Variants in AGBL4 observed in about 807,000 individuals in gnomAD.
AGBL4 encodes the protein AGBL carboxypeptidase 4, also known as cytosolic carboxypeptidase 6.
A neutral mutation model predicts 66.4 loss-of-function variants in AGBL4; 58 were observed. The ratio of observed to expected loss-of-function variants is 0.87; its 90% confidence interval spans 0.71 to 1.09. The LOEUF (loss-of-function observed/expected upper bound fraction) is 1.09. Ranked by LOEUF, AGBL4 falls within the 50% of genes least tolerant of loss-of-function variation. The pLI is 0.00. For synonymous variants in AGBL4, 234 were observed against 222.9 expected (o/e 1.05, Z -0.44); for missense variants, 579 against 631.0 (o/e 0.92, Z 0.88).
chr1:49,206,977 T>C (rs1258495738), intron 4 of AGBL4, among the ~76,000 whole-genome samples: 1 of 151,856 alleles, frequency 6.6e-6, no homozygotes, highest in African/African-American at 2.4e-5. Flanking sequence ...ATTTGATGGA[T>C]TGTTTTTTCC....
At position 49,419,236 on chromosome 1, in the gene AGBL4, G is replaced by A. The variant is rs550931771; in HGVS notation, c.283-173372C>T. Among the ~76,000 whole-genome samples, 4 of 152,252 alleles carry A rather than the reference G, an allele frequency of 2.6e-5. No individual in the cohort carries two copies. In the South Asian group the frequency reaches 8.3e-4, roughly 32 times the overall value. On this transcript the variant is annotated intron_variant, in intron 3 of 13. Coordinates refer to ENST00000371839, the MANE Select transcript of AGBL4 (RefSeq NM_032785.4). ...TTACTGGTGGCATATCACACAACAAGTATTATATGCAGTGCTCTAGTTGGC... is the reference window on the plus strand; with the variant it reads ...TTACTGGTGGCATATCACACAACAAATATTATATGCAGTGCTCTAGTTGGC...
intron 4 of AGBL4, among the ~76,000 whole-genome samples, chr1:49,153,456 A>G (rs1353320120): frequency 6.6e-6 from 1 of 152,180 alleles, no homozygotes; most frequent in Admixed American, 6.5e-5. Flanking sequence ...CCAAGGTCAA[A>G]GCAAATAAAA....
chr1:49,731,564 T>C (rs1294233236), intron 2 of AGBL4, among the ~76,000 whole-genome samples: 1 of 151,920 alleles, frequency 6.6e-6, no homozygotes, highest in Non-Finnish European at 1.5e-5. Flanking sequence ...AAATAAAGAG[T>C]CATGAAACAT....
At chr1:49,378,029 C>T (rs1322038011) in intron 3 of AGBL4, among the ~76,000 whole-genome samples, 2 of 145,576 alleles carry the variant, frequency 1.4e-5, no homozygotes, top group African/African-American at 5.6e-5. Flanking sequence ...GCCTTGTCTC[C>T]CAACACAAAC....
At chr1:48,988,845 T>G (rs937508492) in intron 5 of AGBL4, among the ~76,000 whole-genome samples, 1 of 152,150 alleles carries the variant, frequency 6.6e-6, no homozygotes, top group Non-Finnish European at 1.5e-5. Flanking sequence ...TTCAATGACC[T>G]GAGAGGTCAG....
rs1662573450 is a variant in AGBL4 at position 49,013,133 on chromosome 1, C to T, written c.594+32451G>A. ...AATGAATTTATTCCTTATAAATTAC[C>T]CAGTCTCAGGTATTCAATTACAGCA... is the stretch of plus-strand genomic sequence containing the variant. On this transcript the variant is annotated intron_variant, in intron 5 of 13. Transcript: ENST00000371839. Among the ~76,000 whole-genome samples, 6 of 152,244 alleles carry T rather than the reference C, an allele frequency of 3.9e-5. No individual in the cohort carries two copies. The South Asian group carries it at 1.0e-3, about 26-fold the overall frequency.
intron 3 of AGBL4, among the ~76,000 whole-genome samples, chr1:49,279,806 C>T (rs1298795463): frequency 6.6e-6 from 1 of 152,100 alleles, no homozygotes; most frequent in Admixed American, 6.5e-5. Flanking sequence ...TGGGCTTAAG[C>T]CAAACTAACC....
At chr1:49,648,064 C>T (rs1004034644) in intron 3 of AGBL4, among the ~76,000 whole-genome samples, 1 of 151,934 alleles carries the variant, frequency 6.6e-6, no homozygotes, top group Non-Finnish European at 1.5e-5. Flanking sequence ...AATTATTACA[C>T]CAGCAATTTA....
chr1:49,623,885 C>A (rs937957490), intron 3 of AGBL4, among the ~76,000 whole-genome samples: 1 of 152,160 alleles, frequency 6.6e-6, no homozygotes, highest in African/African-American at 2.4e-5. Context: ...ATAGTCTTGG[C>A]TCTGCCGCTG....
intron 3 of AGBL4, among the ~76,000 whole-genome samples, chr1:49,266,817 T>C (rs1378494447): frequency 6.6e-6 from 1 of 152,158 alleles, no homozygotes; most frequent in Non-Finnish European, 1.5e-5. Context: ...TTAAGACATA[T>C]GAGCATGTTA....
intron 6 of AGBL4, among the ~76,000 whole-genome samples, chr1:48,691,417 G>A (rs1438906511): frequency 6.6e-6 from 1 of 152,066 alleles, no homozygotes; most frequent in African/African-American, 2.4e-5. Context: ...AGAGTAATCA[G>A]GGAAGACTTT....
intron 1 of AGBL4, among the ~76,000 whole-genome samples, chr1:49,980,529 T>C (rs1250148231): frequency 6.6e-6 from 1 of 152,224 alleles, no homozygotes; most frequent in East Asian, 1.9e-4. Context: ...GTATTGTCTT[T>C]TTGTGACTGG....
At chr1:49,261,282 C>G (rs1304861384) in intron 3 of AGBL4, among the ~76,000 whole-genome samples, 1 of 151,922 alleles carries the variant, frequency 6.6e-6, no homozygotes, top group Non-Finnish European at 1.5e-5. Flanking sequence ...CACTCCTATT[C>G]AACATAGTGT....
chr1:49,191,759 A>G (rs1445516202), intron 4 of AGBL4, among the ~76,000 whole-genome samples: 2 of 152,192 alleles, frequency 1.3e-5, no homozygotes, highest in African/African-American at 4.8e-5. Flanking sequence ...AACGGCCCCC[A>G]GCTGCATCAC....
At chr1:49,581,976 A>C (rs1047668089) in intron 3 of AGBL4, among the ~76,000 whole-genome samples, 1 of 152,076 alleles carries the variant, frequency 6.6e-6, no homozygotes, top group Non-Finnish European at 1.5e-5. Flanking sequence ...TGTTGGGAGT[A>C]GTTGCAGGGG....
intron 5 of AGBL4, among the ~76,000 whole-genome samples, chr1:48,873,385 C>T (rs532655766): frequency 2.1e-4 from 32 of 152,324 alleles, no homozygotes; most frequent in African/African-American, 5.1e-4. Context: ...TCTTAACTCA[C>T]GCTACCTCTG....
chr1:48,633,466 T>C (rs1308504474), intron 9 of AGBL4, among the ~76,000 whole-genome samples: 4 of 152,150 alleles, frequency 2.6e-5, no homozygotes, highest in African/African-American at 4.8e-5. Context: ...AAATCAGTCA[T>C]TGAAGTTGGA....
At chr1:49,657,880 A>G (rs1339670571) in intron 3 of AGBL4, among the ~76,000 whole-genome samples, 2 of 152,042 alleles carry the variant, frequency 1.3e-5, no homozygotes, top group Admixed American at 6.6e-5. Context: ...AAGACTACAC[A>G]TTAGACCTCA....
Position 48,807,030 on chromosome 1 carries a change from C to T in AGBL4, c.634+60161G>A, listed in dbSNP as rs535123176. 1.7e-4 allele frequency among the ~76,000 whole-genome samples: 26 copies of T among 152,240 alleles called. 1 individual carries two copies. The South Asian group carries it at 3.9e-3, about 23-fold the overall frequency. On this transcript the variant is annotated intron_variant, in intron 6 of 13. Transcript: ENST00000371839. ...ACAATGCTTTGGTTGTGTTAGTATA[C>T]GTAAGTTCTTCACTTGGCCACTTGC...
Sources: gnomAD v4.1 joint callset for allele counts (sites outside exome capture counted in the v4.1 genomes callset) on GRCh38, gnomAD v4.1.1 for gene constraint, MANE v1.5 for transcripts, NCBI Gene and HGNC (gene_info 2026-07-23, HGNC 2026-07-21) for gene names.